PRSS12: variants seen among roughly 807,000 people sequenced by gnomAD.
The protein encoded by PRSS12 is serine protease 12.
A neutral mutation model predicts 104.4 loss-of-function variants in PRSS12; 85 were observed. The ratio of observed to expected loss-of-function variants is 0.81; its 90% CI spans 0.68 to 0.98. The LOEUF is 0.98. PRSS12 is among the 50% of genes least tolerant of loss of function. PRSS12 has a pLI of 0.00. For synonymous variants in PRSS12, 454 were observed against 425.2 expected (o/e 1.07, Z -0.83); for missense variants, 1,141 against 1,139.2 (o/e 1.00, Z -0.02).
chr4:118,339,876 G>T (rs371966609), intron 1 of PRSS12, among the ~76,000 whole-genome samples: 47 of 152,224 alleles, frequency 3.1e-4, no homozygotes, highest in African/African-American at 9.6e-4. Flanking sequence ...GAATTCATTT[G>T]TTGACCTCAA....
chr4:118,291,546 A>G (rs531422133), intron 11 of PRSS12, among the ~76,000 whole-genome samples: 10 of 152,152 alleles, frequency 6.6e-5, no homozygotes, highest in Admixed American at 2.6e-4. Flanking sequence ...TGGTATCTGA[A>G]GCAAAAGGCA....
chr4:118,280,211 T>C lies in PRSS12; in HGVS notation c.*1725A>G, dbSNP rs1018490283. ...TTAGGTTTGCTAGTCCCTGATCTAC[T>C]TGAAACAGATGTTGCTTGCCCCAAC... On this transcript the variant is annotated 3_prime_UTR_variant, in exon 13 of 13. Coordinates refer to ENST00000296498, the MANE Select transcript of PRSS12 (RefSeq NM_003619.4). 1 of 152,238 alleles carries C rather than the reference T, an allele frequency of 6.6e-6. No individual in the cohort carries two copies. The highest frequency in any genetic ancestry group is 2.4e-5 in the African/African-American group (1 of 41,460). 9.4% of individuals were successfully genotyped at this position (152,238 alleles called of 1,614,324 possible). A position where few individuals can be genotyped will look rare whatever the true frequency, so the allele number is the denominator to read the frequency against.
At chr4:118,296,034 A>T (rs906338232) in intron 9 of PRSS12, among the ~76,000 whole-genome samples, 178 bp from the exon 10 acceptor site, 15 of 152,230 alleles carry the variant, frequency 9.9e-5, no homozygotes, top group African/African-American at 2.9e-4. Context: ...AATAATTTGC[A>T]AGTAGACAAG....
chr4:118,352,970 G>T lies in PRSS12; in HGVS notation c.-250C>A. 1 of 991,728 alleles carries T rather than the reference G, an allele frequency of 1.0e-6. No homozygotes were observed. Among genetic ancestry groups the T allele is most frequent in the Non-Finnish European group, 1.4e-6 (1 of 736,264 alleles). 61.4% of individuals were successfully genotyped at this position (991,728 alleles called of 1,614,324 possible). On this transcript the variant is annotated 5_prime_UTR_variant, in exon 1 of 13. Coordinates refer to ENST00000296498, the MANE Select transcript of PRSS12 (RefSeq NM_003619.4). ...GAGCTCAGCCGAGCCCCGGCCGGCG[G>T]AGAGGACCGGAAAAGAGAAGGCGCG...
At chr4:118,345,536 A>G (rs370239002) in intron 1 of PRSS12, among the ~76,000 whole-genome samples, 139 of 152,268 alleles carry the variant, frequency 9.1e-4, no homozygotes, top group African/African-American at 3.2e-3. Context: ...ATTCAGGGGG[A>G]AAAAACCTTC....
intron 2 of PRSS12, among the ~76,000 whole-genome samples, chr4:118,337,149 G>A (rs1035419755): frequency 6.6e-6 from 1 of 152,140 alleles, no homozygotes. Flanking sequence ...GGTAAGACAA[G>A]AGAAATCTGG....
Position 118,282,956 on chromosome 4 carries a change from A to T in PRSS12, c.2195T>A (p.Leu732Ter), listed in dbSNP as rs1394365841. 6.2e-7 allele frequency: 1 copy of T among 1,614,148 alleles called. No homozygotes were observed. Among genetic ancestry groups the T allele is most frequent in the South Asian group, 1.1e-5 (1 of 91,086 alleles). ...GGCACATTGCTCTTCTGGTCCTTGT[A>T]ATCTAACCAGGGCTATGTCATAATC... is the stretch of plus-strand genomic sequence containing the variant. ...RSDYDIALVR[L>*]QGPEEQCARF... is the part of the protein sequence containing the mutation. The change falls in exon 12 of 13, where the codon TTA becomes TAA. Residue 732 changes from leucine to a stop codon, truncating the protein, a stop_gained. Coordinates refer to ENST00000296498, the MANE Select transcript of PRSS12 (RefSeq NM_003619.4). LOFTEE classifies it high-confidence loss of function.
At chr4:118,335,222 C>T (rs1227425341) in intron 3 of PRSS12, among the ~76,000 whole-genome samples, 2 of 151,632 alleles carry the variant, frequency 1.3e-5, no homozygotes, top group Non-Finnish European at 2.9e-5. Context: ...ATAGAATATA[C>T]ATATTTATTT....
chr4:118,298,715 C>A lies in PRSS12; in HGVS notation c.1837+18G>T. Reference sequence around the variant, plus strand: ...TTAGTATTCCTTGACTTGTTTAGGGCTCCAGAAGGTGACTTACCTTTATTA... The same window carrying A: ...TTAGTATTCCTTGACTTGTTTAGGGATCCAGAAGGTGACTTACCTTTATTA... On this transcript the variant is annotated intron_variant, in intron 9 of 12. Coordinates refer to ENST00000296498, the MANE Select transcript of PRSS12 (RefSeq NM_003619.4). The A allele has an allele frequency of 1.2e-6, 2 of 1,611,194 alleles. No homozygotes were observed. The highest frequency in any genetic ancestry group is 1.7e-6 in the Non-Finnish European group (2 of 1,177,368).
rs1280766208 is a variant in PRSS12, at chr4:118,281,369, G to C, written c.*567C>G. ...ATCACTTTGAGAATATATTGTGACA[G>C]GCAGATGTCCTTGAGGCTTTACTAC... On this transcript the variant is annotated 3_prime_UTR_variant, in exon 13 of 13. Coordinates refer to ENST00000296498, the MANE Select transcript of PRSS12 (RefSeq NM_003619.4). 3 of 158,904 alleles carry C rather than the reference G, an allele frequency of 1.9e-5. No individual in the cohort carries two copies. Among genetic ancestry groups the C allele is most frequent in the African/African-American group, 7.2e-5 (3 of 41,472 alleles). 9.8% of individuals were successfully genotyped at this position (158,904 alleles called of 1,614,324 possible). A position where few individuals can be genotyped will look rare whatever the true frequency, so the allele number is the denominator to read the frequency against.
chr4:118,305,493 T>TA (rs763433665), intron 8 of PRSS12, among the ~76,000 whole-genome samples: 1 of 152,072 alleles, frequency 6.6e-6, no homozygotes, highest in Admixed American at 6.6e-5. Context: ...ATAATCAATA[T>TA]AAAAAATCTT....
At chr4:118,349,379 G>T (rs1009715135) in intron 1 of PRSS12, among the ~76,000 whole-genome samples, 13 of 151,032 alleles carry the variant, frequency 8.6e-5, no homozygotes, top group Admixed American at 4.6e-4. Context: ...GCTCCAGCCC[G>T]GGTGACAGAG....
intron 7 of PRSS12, 87 bp downstream of exon 7, chr4:118,313,114 T>G: frequency 1.6e-5 from 24 of 1,509,848 alleles, no homozygotes; most frequent in Non-Finnish European, 1.9e-5. Context: ...AAGCCAAAGA[T>G]GAGAAACACT....
chr4:118,352,913 C>T lies in PRSS12; in HGVS notation c.-193G>A. ...TGCCCTGCCGCGCCTCGGCTCCTGT[C>T]CCCTGGCGGCGGCCGCGGGTGGGGA... On this transcript the variant is annotated 5_prime_UTR_variant, in exon 1 of 13. Transcript: ENST00000296498. 1.5e-6 allele frequency: 2 copies of T among 1,350,098 alleles called. No individual in the cohort carries two copies. Among genetic ancestry groups the T allele is most frequent in the Non-Finnish European group, 9.6e-7 (1 of 1,046,938 alleles). The allele number at this position is 1,350,098 out of a possible 1,614,324, so 83.6% of individuals were successfully genotyped here. A position where few individuals can be genotyped will look rare whatever the true frequency, so the allele number is the denominator to read the frequency against.
At chr4:118,337,229 G>C (rs1299748659) in intron 2 of PRSS12, among the ~76,000 whole-genome samples, 2 of 152,020 alleles carry the variant, frequency 1.3e-5, no homozygotes, top group Non-Finnish European at 2.9e-5. Context: ...CAAAATACTT[G>C]CAAACTGCAA....
At chr4:118,331,168 C>T (rs1022288) in intron 4 of PRSS12, among the ~76,000 whole-genome samples, 126,159 of 152,142 alleles carry the variant, frequency 0.83, 54,685 homozygotes, top group Non-Finnish European at 0.95. Flanking sequence ...AATTATAATA[C>T]TCCAGAATAA....
Position 118,352,334 on chromosome 4 carries a change from C to T in PRSS12, c.387G>A (p.Gln129=), listed in dbSNP as rs750900825. The T allele has an allele frequency of 3.2e-6, 5 of 1,584,902 alleles. No homozygotes were observed. The South Asian group carries it at 5.7e-5, about 18-fold the overall frequency. The change falls in exon 1 of 13, where the codon CAG becomes CAA. Residue 129 remains glutamine (Q), a synonymous_variant. Coordinates refer to ENST00000296498, the MANE Select transcript of PRSS12 (RefSeq NM_003619.4). ...AAAAGTTGTGGCGCTGTCCTCGCAG[C>T]TGAGCCCAGCTCGCTGGGGGCGACC... ...LERSPPASWA[Q]LRGQRHNFCR...
chr4:118,280,166 T>C lies in PRSS12; in HGVS notation c.*1770A>G, dbSNP rs538890449. 1 of 152,378 alleles carries C rather than the reference T, an allele frequency of 6.6e-6. No homozygotes were observed. Among genetic ancestry groups the C allele is most frequent in the South Asian group, 2.1e-4 (1 of 4,832 alleles). The allele number at this position is 152,378 out of a possible 1,614,324, so 9.4% of individuals were successfully genotyped here. A position where few individuals can be genotyped will look rare whatever the true frequency, so the allele number is the denominator to read the frequency against. On this transcript the variant is annotated 3_prime_UTR_variant, in exon 13 of 13. Coordinates refer to ENST00000296498, the MANE Select transcript of PRSS12 (RefSeq NM_003619.4). ...ATGTATTCTTAAGGATTGAGCAAAC[T>C]GCAGGCTGCTTGCTGCCTTTTAGGT... is the stretch of plus-strand genomic sequence containing the variant.
At chr4:118,326,563 A>C (rs1723776666) in intron 4 of PRSS12, among the ~76,000 whole-genome samples, 1 of 152,214 alleles carries the variant, frequency 6.6e-6, no homozygotes, top group African/African-American at 2.4e-5. Flanking sequence ...GGCTGATGGC[A>C]CCTCAAATAC....
Sources: allele counts gnomAD v4.1 joint callset (sites outside exome capture counted in the v4.1 genomes callset), GRCh38; gene constraint gnomAD v4.1.1; transcripts MANE v1.5; gene names NCBI Gene and HGNC (gene_info 2026-07-23, HGNC 2026-07-21).